FAAH2: variants seen among roughly 807,000 people sequenced by gnomAD.
The protein encoded by FAAH2 is fatty-acid amide hydrolase 2.
FAAH2 carries 60 observed loss-of-function variants against 36.9 expected under a neutral mutation model. The observed-to-expected ratio is 1.63, with a 90% CI of 1.32 to 2.02. FAAH2 has a LOEUF of 2.02. Among genes scored for constraint, FAAH2 ranks in the 30% most tolerant of loss-of-function variants. The pLI is 0.00. For synonymous variants in FAAH2, 214 were observed against 143.8 expected, an observed-to-expected ratio of 1.49 and a Z score of -3.49; for missense variants, 689 against 397.5, an observed-to-expected ratio of 1.73 and a Z score of -6.23.
At chrX:57,288,334 A>ATTTTTTTTTT (rs1393972572) in intron 1 of FAAH2, among the ~76,000 whole-genome samples, 8 of 61,174 alleles carry the variant, frequency 1.3e-4, no homozygotes, top group African/African-American at 5.5e-4. Flanking sequence ...TCTTAAAAAC[A>ATTTTTTTTTT]TTTCTTTTTT....
At chrX:57,487,608 C>A (rs2057498994) in intron 10 of FAAH2, among the ~76,000 whole-genome samples, 1 of 111,999 alleles carries the variant, frequency 8.9e-6, no homozygotes, top group Non-Finnish European at 1.9e-5. Context: ...TAGTTATAAA[C>A]CAAAAGGATA....
chrX:57,304,666 A>T (rs2052469266), intron 2 of FAAH2, among the ~76,000 whole-genome samples: 1 of 111,977 alleles, frequency 8.9e-6, no homozygotes, highest in Non-Finnish European at 1.9e-5. Context: ...CAATAAAGAG[A>T]GTTGCCTGAA....
chrX:57,231,474 GC>G, the FAAH2 span, among the ~76,000 whole-genome samples: 4 of 111,242 alleles, frequency 3.6e-5, no homozygotes, highest in South Asian at 1.5e-3. Flanking sequence ...CTATTTTTTA[GC>G]TTTTTTTGTA....
the FAAH2 span, among the ~76,000 whole-genome samples, chrX:57,248,403 C>A: frequency 3.6e-5 from 4 of 111,568 alleles, no homozygotes; most frequent in Non-Finnish European, 7.5e-5. Flanking sequence ...GTTGATCCAT[C>A]TGATAAAAGA....
intron 5 of FAAH2, among the ~76,000 whole-genome samples, chrX:57,367,731 C>A (rs1414479725): frequency 9.0e-6 from 1 of 111,729 alleles, no homozygotes; most frequent in Admixed American, 9.5e-5. Flanking sequence ...GGACTTCCCT[C>A]TGCACCAGAA....
intron 7 of FAAH2, chrX:57,393,839 G>T: frequency 2.3e-6 from 2 of 878,798 alleles, no homozygotes; most frequent in Non-Finnish European, 3.4e-6. Context: ...TCTATCATTG[G>T]TATTCAACAC....
chrX:57,413,590 G>A (rs1324443095), intron 7 of FAAH2, among the ~76,000 whole-genome samples: 1 of 111,418 alleles, frequency 9.0e-6, no homozygotes, highest in East Asian at 2.8e-4. Context: ...GTCTGTTTTG[G>A]TACCATGCTG....
chrX:57,339,166 G>A (rs1021995310), intron 4 of FAAH2, among the ~76,000 whole-genome samples: 3 of 111,762 alleles, frequency 2.7e-5, no homozygotes, highest in Non-Finnish European at 3.8e-5. Flanking sequence ...AATGGGGAAC[G>A]GATTCTCTAT....
At chrX:57,456,196 A>G (rs2056862536) in intron 10 of FAAH2, among the ~76,000 whole-genome samples, 1 of 111,759 alleles carries the variant, frequency 8.9e-6, no homozygotes, top group Non-Finnish European at 1.9e-5. Context: ...CTCCTGAATA[A>G]CTCTTGGGCA....
chrX:57,150,842 T>A, the FAAH2 span, among the ~76,000 whole-genome samples: 1 of 112,184 alleles, frequency 8.9e-6, no homozygotes, highest in Non-Finnish European at 1.9e-5. Flanking sequence ...GTTGATGCAG[T>A]TTCTGCCTAG....
intron 8 of FAAH2, among the ~76,000 whole-genome samples, chrX:57,442,664 G>A (rs1194038330): frequency 2.7e-5 from 3 of 111,846 alleles, no homozygotes; most frequent in African/African-American, 9.8e-5. Flanking sequence ...GATGTTAACT[G>A]GTTATTTTGC....
In FAAH2 at chrX:57,378,664, C is replaced by A; in HGVS notation, c.756C>A (p.Asn252Lys). 19 of 1,211,301 alleles carry A rather than the reference C, an allele frequency of 1.6e-5. No homozygotes were observed. Among genetic ancestry groups the A allele is most frequent in the Non-Finnish European group, 2.1e-5 (19 of 895,267 alleles). The change falls in exon 6 of 11, where the codon AAC becomes AAA. Residue 252 changes from asparagine to lysine, a missense_variant. Physicochemically the swap from Asn to Lys is moderately conservative, Grantham distance 94 (BLOSUM62 0). Transcript: ENST00000374900. ...GHKPSPGVVP[N>K]KGQFPLAVGA... ...CTATCCTTTCAGGTGTGGTTCCCAA[C>A]AAAGGTCAGTTTCCCTTGGCTGTGG...
chrX:57,220,073 T>A, the FAAH2 span, among the ~76,000 whole-genome samples: 2 of 108,997 alleles, frequency 1.8e-5, no homozygotes, highest in Non-Finnish European at 3.8e-5. Flanking sequence ...CAATTCTTGC[T>A]TATCTGTTCA....
intron 5 of FAAH2, among the ~76,000 whole-genome samples, chrX:57,372,959 G>C (rs1226947058): frequency 2.7e-5 from 3 of 110,651 alleles, no homozygotes; most frequent in Non-Finnish European, 5.7e-5. Flanking sequence ...CCACGTATGA[G>C]TGAAAACCTA....
chrX:57,388,006 T>G (rs1377043480), intron 7 of FAAH2, among the ~76,000 whole-genome samples: 1 of 110,705 alleles, frequency 9.0e-6, no homozygotes, highest in East Asian at 2.8e-4. Context: ...ATGGCTATAT[T>G]TTATAGCAAT....
chrX:57,325,111 T>C (rs1386408823), intron 3 of FAAH2, among the ~76,000 whole-genome samples: 4 of 112,007 alleles, frequency 3.6e-5, no homozygotes, highest in Non-Finnish European at 7.5e-5. Flanking sequence ...TGGTTTTTGT[T>C]GTTGGTTCTG....
At chrX:57,425,702 T>C (rs1199897829) in intron 7 of FAAH2, among the ~76,000 whole-genome samples, 1 of 111,663 alleles carries the variant, frequency 9.0e-6, no homozygotes, top group East Asian at 2.8e-4. Context: ...CTACAGGAAA[T>C]GCTGACAGAG....
At chrX:57,424,101 G>C (rs750714742) in intron 7 of FAAH2, among the ~76,000 whole-genome samples, 1 of 111,959 alleles carries the variant, frequency 8.9e-6, no homozygotes, top group South Asian at 3.7e-4. Flanking sequence ...GGTACATTAA[G>C]ACTACAATTG....
At chrX:57,140,816 T>A in the FAAH2 span, among the ~76,000 whole-genome samples, 1 of 110,878 alleles carries the variant, frequency 9.0e-6, no homozygotes, top group African/African-American at 3.3e-5. Flanking sequence ...TAATAGACAC[T>A]AGGATTTCCA....
Sources: gnomAD v4.1 joint callset for allele counts (sites outside exome capture counted in the v4.1 genomes callset) on GRCh38, gnomAD v4.1.1 for gene constraint, MANE v1.5 for transcripts, NCBI Gene and HGNC (gene_info 2026-07-23, HGNC 2026-07-21) for gene names.